Variants in BICC1 observed in about 807,000 individuals in gnomAD.
BICC1 encodes the protein BicC family RNA binding protein 1, also known as protein bicaudal C homolog 1.
BICC1 carries 43 observed loss-of-function variants against 111.0 expected under a neutral mutation model. The ratio of observed to expected loss-of-function variants is 0.39; its 90% confidence interval spans 0.30 to 0.50. The LOEUF (loss-of-function observed/expected upper bound fraction) is 0.50. Among genes scored for constraint, BICC1 ranks in the 20% least tolerant of loss-of-function variants. The probability of loss-of-function intolerance (pLI) is 0.88; values close to 1 mark genes in which losing one functional copy is unlikely to be tolerated. For synonymous variants in BICC1, 467 were observed against 434.4 expected (o/e 1.07, Z -0.93); for missense variants, 1,091 against 1,203.2 (o/e 0.91, Z 1.38).
chr10:58,829,023 C>G lies in BICC1; in HGVS notation c.*132C>G. 9.5e-7 allele frequency: 1 copy of G among 1,056,072 alleles called. No individual in the cohort carries two copies. The highest frequency in any genetic ancestry group is 1.7e-5 in the South Asian group (1 of 58,700). The allele number at this position is 1,056,072 out of a possible 1,614,324, so 65.4% of individuals were successfully genotyped here. A position where few individuals can be genotyped will look rare whatever the true frequency, so the allele number is the denominator to read the frequency against. On this transcript the variant is annotated 3_prime_UTR_variant, in exon 21 of 21. Coordinates refer to ENST00000373886, the MANE Select transcript of BICC1 (RefSeq NM_001080512.3). ...CAGGACCAAAGCATTTTATTCGCAC[C>G]TGTACTTTATGGCAAAAAGGAAGAA... is the stretch of plus-strand genomic sequence containing the variant.
chr10:58,512,806 A>AGGGGCGGCGGGCGGGGAG (rs1231209884), upstream of BICC1, among the ~76,000 whole-genome samples: 9 of 150,514 alleles, frequency 6.0e-5, no homozygotes, highest in South Asian at 8.3e-4. Context: ...GCGCGGCTGT[A>AGGGGCGGCGGGCGGGGAG]GGGGCGGCGG....
intron 3 of BICC1, among the ~76,000 whole-genome samples, chr10:58,717,969 C>T (rs946504287): frequency 6.6e-6 from 1 of 152,132 alleles, no homozygotes; most frequent in Non-Finnish European, 1.5e-5. Flanking sequence ...CAAAAAAAAC[C>T]TCATGTTGTC....
chr10:58,807,359 G>A (rs1208518023), intron 17 of BICC1, among the ~76,000 whole-genome samples: 3 of 152,176 alleles, frequency 2.0e-5, no homozygotes, highest in Non-Finnish European at 4.4e-5. Flanking sequence ...TTCTCTCAAA[G>A]TTGTTGGTCA....
intron 19 of BICC1, among the ~76,000 whole-genome samples, chr10:58,820,134 T>A (rs1200655210): frequency 2.0e-5 from 3 of 152,132 alleles, no homozygotes; most frequent in African/African-American, 7.2e-5. Context: ...AATCTTTGTG[T>A]TTCCTTTCTT....
chr10:58,520,538 A>G (rs904991083), intron 1 of BICC1, among the ~76,000 whole-genome samples: 2 of 152,164 alleles, frequency 1.3e-5, no homozygotes, highest in Non-Finnish European at 2.9e-5. Flanking sequence ...GTTCCCATTT[A>G]TGATGCTGGC....
At chr10:58,728,457 C>G (rs931898329) in intron 3 of BICC1, among the ~76,000 whole-genome samples, 3 of 152,074 alleles carry the variant, frequency 2.0e-5, no homozygotes, top group Admixed American at 1.3e-4. Flanking sequence ...AATTACAGTT[C>G]TCTTGCTGTT....
chr10:58,697,265 T>A (rs2132432870), intron 2 of BICC1, among the ~76,000 whole-genome samples: 1 of 152,358 alleles, frequency 6.6e-6, no homozygotes, highest in East Asian at 1.9e-4. Context: ...TTAATTGGAT[T>A]GTGAGAAATG....
At chr10:58,529,992 AG>A (rs1842638945) in intron 1 of BICC1, among the ~76,000 whole-genome samples, 1 of 151,682 alleles carries the variant, frequency 6.6e-6, no homozygotes, top group Non-Finnish European at 1.5e-5. Context: ...ATTTGGGACT[AG>A]TGAGGCCATC....
chr10:58,732,372 T>C (rs1841331032), intron 3 of BICC1, among the ~76,000 whole-genome samples: 6 of 8,794 alleles, frequency 6.8e-4, no homozygotes, highest in African/African-American at 1.8e-3. Context: ...TGTGTGTGTG[T>C]GTGTATGTAT....
intron 1 of BICC1, among the ~76,000 whole-genome samples, chr10:58,574,114 ATAAC>A (rs1844041057): frequency 6.6e-6 from 1 of 152,158 alleles, no homozygotes; most frequent in African/African-American, 2.4e-5. Context: ...CTCAGCTGGA[ATAAC>A]CCACCACTCC....
In BICC1 at chr10:58,813,997, T is replaced by C. The variant is rs770624280; in HGVS notation, c.2533+11T>C. 1 of 1,613,910 alleles carries C rather than the reference T, an allele frequency of 6.2e-7. No individual in the cohort carries two copies. The highest frequency in any genetic ancestry group is 1.1e-5 in the South Asian group (1 of 91,084). ...AACAAAACAAATCAAGTGAGCGTTGTGTTTTATGCACACTTTTAGGTATCC... is the reference window on the plus strand; with the variant it reads ...AACAAAACAAATCAAGTGAGCGTTGCGTTTTATGCACACTTTTAGGTATCC... On this transcript the variant is annotated intron_variant, in intron 18 of 20. Transcript: ENST00000373886.
At chr10:58,677,289 G>A (rs1416937569) in intron 2 of BICC1, among the ~76,000 whole-genome samples, 1 of 152,162 alleles carries the variant, frequency 6.6e-6, no homozygotes, top group African/African-American at 2.4e-5. Flanking sequence ...CAATGCAAAG[G>A]AAGCTGAGAA....
chr10:58,716,159 A>C, intron 3 of BICC1: 1 of 1,501,106 alleles, frequency 6.7e-7, no homozygotes, highest in African/African-American at 1.4e-5. Flanking sequence ...TATATTGAGG[A>C]GGTGCGAGCA....
intron 13 of BICC1, 56 bp downstream of exon 13, chr10:58,800,382 T>C: frequency 6.4e-7 from 1 of 1,573,130 alleles, no homozygotes; most frequent in Non-Finnish European, 8.7e-7. Context: ...AAAAAGGAGG[T>C]TGTAGAGAGT....
intron 3 of BICC1, among the ~76,000 whole-genome samples, chr10:58,754,609 A>G (rs1019620897): frequency 1.3e-5 from 2 of 152,188 alleles, no homozygotes; most frequent in Admixed American, 6.5e-5. Flanking sequence ...CATGCCTCAC[A>G]CGGCAGGGAG....
chr10:58,779,934 T>G (rs1842841950), intron 3 of BICC1, among the ~76,000 whole-genome samples: 1 of 152,200 alleles, frequency 6.6e-6, no homozygotes, highest in African/African-American at 2.4e-5. Context: ...TAGGGCTACA[T>G]TCTTTCTTAC....
intron 2 of BICC1, among the ~76,000 whole-genome samples, chr10:58,645,369 T>C (rs1255355829): frequency 2.6e-5 from 3 of 116,064 alleles, no homozygotes; most frequent in Non-Finnish European, 4.8e-5. Flanking sequence ...ATCGCGCCAC[T>C]GCGCTCCAGC....
At chr10:58,788,022 T>TA (rs1843062127) in intron 5 of BICC1, among the ~76,000 whole-genome samples, 1 of 152,080 alleles carries the variant, frequency 6.6e-6, no homozygotes, top group South Asian at 2.1e-4. Flanking sequence ...TGAATATTGA[T>TA]AAGTATCTGG....
intron 3 of BICC1, among the ~76,000 whole-genome samples, chr10:58,756,800 G>T (rs1291163899): frequency 6.6e-6 from 1 of 151,998 alleles, no homozygotes; most frequent in Non-Finnish European, 1.5e-5. Context: ...ACATTAAGAT[G>T]CCTTTTATAA....
Sources: gnomAD v4.1 joint callset for allele counts (sites outside exome capture counted in the v4.1 genomes callset) on GRCh38, gnomAD v4.1.1 for gene constraint, MANE v1.5 for transcripts, NCBI Gene and HGNC (gene_info 2026-07-23, HGNC 2026-07-21) for gene names.